INPP5A: variants seen among roughly 807,000 people sequenced by gnomAD.
INPP5A encodes the protein inositol polyphosphate-5-phosphatase A, also known as 43 kDa inositol polyphosphate 5-phophatase.
In INPP5A, 14 loss-of-function variants were observed where a neutral mutation model predicts 65.2. That is an observed-to-expected ratio of 0.21 (90% CI 0.14 to 0.34). The LOEUF is 0.34. INPP5A is among the 10% of genes least tolerant of loss of function. INPP5A has a pLI of 1.00. For missense variants in INPP5A, 431 were observed against 545.6 expected (o/e 0.79, Z 2.09); for synonymous variants, 207 against 208.3 (o/e 0.99, Z 0.05).
At chr10:132,611,607 A>G (rs1419377440) in intron 2 of INPP5A, among the ~76,000 whole-genome samples, 2,145 of 9,634 alleles carry the variant, frequency 0.22, no homozygotes, top group Admixed American at 0.24. Flanking sequence ...GAGGTGAGGT[A>G]GGCAGGGGAG....
At position 132,730,482 on chromosome 10, in the gene INPP5A, C is replaced by T. The variant is rs558854608; in HGVS notation, c.732+3577C>T. On this transcript the variant is annotated intron_variant, in intron 9 of 15. Coordinates refer to ENST00000368594, the MANE Select transcript of INPP5A (RefSeq NM_005539.5). ...ACGCCCTGTCTGCAGGCTCCTCGGC[C>T]GCTCTGCAGCCCCACCCACTCAGCT... Among the ~76,000 whole-genome samples, 6 of 152,368 alleles carry T rather than the reference C, an allele frequency of 3.9e-5. No individual in the cohort carries two copies. The East Asian group carries it at 7.7e-4, about 20-fold the overall frequency.
Position 132,731,664 on chromosome 10 carries a change from G to A in INPP5A, c.732+4759G>A, listed in dbSNP as rs188277041. On this transcript the variant is annotated intron_variant, in intron 9 of 15. Transcript: ENST00000368594. ...TGAGCCTCCGTTGCATCTGCTGGGA[G>A]TGGGGGCTCTCCAGCCCCGCGATCA... Among the ~76,000 whole-genome samples the A allele has an allele frequency of 2.5e-3, 383 of 152,352 alleles. 2 individuals are homozygous for A. Among genetic ancestry groups the A allele is most frequent in the African/African-American group, 8.5e-3 (353 of 41,590 alleles).
rs2071429578 is a variant in INPP5A at position 132,577,926 on chromosome 10, A to C, written c.76-29989A>C. On this transcript the variant is annotated intron_variant, in intron 1 of 15. Transcript: ENST00000368594. ...TGTCCTCGAGGGGTTCAGCTGTGCC[A>C]TTTGGGGGTGCTCCATGAAGCTGGC... Among the ~76,000 whole-genome samples the C allele has an allele frequency of 3.3e-5, 5 of 152,156 alleles. No homozygotes were observed. In the South Asian group the frequency reaches 1.0e-3, roughly 31 times the overall value.
At chr10:132,564,245 G>C (rs1216087267) in intron 1 of INPP5A, among the ~76,000 whole-genome samples, 1 of 152,108 alleles carries the variant, frequency 6.6e-6, no homozygotes, top group Non-Finnish European at 1.5e-5. Flanking sequence ...TTGGTCCCTG[G>C]GGTGACACAT....
chr10:132,725,522 A>G (rs1221246579), intron 8 of INPP5A, among the ~76,000 whole-genome samples: 1 of 152,190 alleles, frequency 6.6e-6, no homozygotes, highest in Non-Finnish European at 1.5e-5. Context: ...CTACTTCTCA[A>G]GCGAATGGAT....
intron 12 of INPP5A, among the ~76,000 whole-genome samples, chr10:132,770,600 T>C (rs1399076825): frequency 1.3e-5 from 2 of 152,264 alleles, no homozygotes; most frequent in Admixed American, 6.5e-5. Flanking sequence ...GCCACTTCCC[T>C]CTTCCAGCTA....
chr10:132,638,833 G>T (rs553095440), intron 2 of INPP5A, among the ~76,000 whole-genome samples: 1 of 152,170 alleles, frequency 6.6e-6, no homozygotes, highest in Non-Finnish European at 1.5e-5. Flanking sequence ...CTCCCAAATT[G>T]CTGGGATTAG....
At chr10:132,775,335 C>T (rs1019160577) in intron 12 of INPP5A, among the ~76,000 whole-genome samples, 5 of 151,992 alleles carry the variant, frequency 3.3e-5, no homozygotes, top group African/African-American at 1.2e-4. Context: ...TGTGCCTCCC[C>T]CCCCACCCAG....
chr10:132,705,781 G>T lies in INPP5A; in HGVS notation c.475-2532G>T, dbSNP rs1476918698. Among the ~76,000 whole-genome samples the T allele has an allele frequency of 6.6e-6, 1 of 152,168 alleles. No homozygotes were observed. Among genetic ancestry groups the T allele is most frequent in the East Asian group, 1.9e-4 (1 of 5,184 alleles). ...CTGTGGGTGCCTCAGTATCACTGGGGAGCAGAGAGCCCAGACCTTTTACAA... is the reference window on the plus strand; with the variant it reads ...CTGTGGGTGCCTCAGTATCACTGGGTAGCAGAGAGCCCAGACCTTTTACAA... On this transcript the variant is annotated intron_variant, in intron 6 of 15. Transcript: ENST00000368594. The surrounding 1 kb of genome is among the most constrained non-coding windows in gnomAD (Gnocchi z 4.9).
At chr10:132,681,426 C>T (rs986775532) in intron 4 of INPP5A, among the ~76,000 whole-genome samples, 2 of 152,180 alleles carry the variant, frequency 1.3e-5, no homozygotes, top group African/African-American at 2.4e-5. Flanking sequence ...CCTGAGCCAG[C>T]GAGACCACGA....
chr10:132,622,996 G>C (rs2072127755), intron 2 of INPP5A, among the ~76,000 whole-genome samples: 1 of 151,870 alleles, frequency 6.6e-6, no homozygotes, highest in South Asian at 2.1e-4. Flanking sequence ...TGACGTGTTA[G>C]AACTTGAGAA....
chr10:132,688,994 TGA>T (rs1845206543), intron 4 of INPP5A, among the ~76,000 whole-genome samples: 2 of 151,760 alleles, frequency 1.3e-5, no homozygotes, highest in South Asian at 4.1e-4. Context: ...CAAGTGTGTG[TGA>T]GTGCCTGTGA....
At position 132,702,883 on chromosome 10, in the gene INPP5A, G is replaced by A. The variant is rs570159926; in HGVS notation, c.474+4964G>A. 5.9e-5 allele frequency among the ~76,000 whole-genome samples: 9 copies of A among 152,306 alleles called. No homozygotes were observed. The East Asian group carries it at 1.4e-3, about 23-fold the overall frequency. The stretch of plus-strand genomic sequence containing the variant: ...GCTGTGGGATGCTTGGGGTGGGCCG[G>A]GGCACTTGTTTACACAGGGGTGACT... On this transcript the variant is annotated intron_variant, in intron 6 of 15. Coordinates refer to ENST00000368594, the MANE Select transcript of INPP5A (RefSeq NM_005539.5).
chr10:132,710,886 G>T (rs1219921569), intron 8 of INPP5A, among the ~76,000 whole-genome samples: 1 of 152,096 alleles, frequency 6.6e-6, no homozygotes, highest in African/African-American at 2.4e-5. Flanking sequence ...GGGCAGGTCG[G>T]TGTGTCCACT....
intron 1 of INPP5A, among the ~76,000 whole-genome samples, chr10:132,548,869 T>C (rs965265055): frequency 3.0e-5 from 4 of 134,804 alleles, no homozygotes; most frequent in Non-Finnish European, 6.2e-5. Flanking sequence ...CAGTCACCAC[T>C]CACCGAAGCC....
intron 8 of INPP5A, among the ~76,000 whole-genome samples, chr10:132,722,331 G>C (rs1564983747): frequency 6.6e-6 from 1 of 152,170 alleles, no homozygotes; most frequent in Non-Finnish European, 1.5e-5. Context: ...AGCAAGTTAG[G>C]TGTCCTGGTT....
chr10:132,732,816 CACG>C (rs1846109331), intron 9 of INPP5A, among the ~76,000 whole-genome samples: 1 of 152,154 alleles, frequency 6.6e-6, no homozygotes, highest in African/African-American at 2.4e-5. Flanking sequence ...TCCGGAGGGT[CACG>C]GCCTGTCTTC....
At chr10:132,760,599 C>G (rs1485854448) in intron 11 of INPP5A, among the ~76,000 whole-genome samples, 1 of 152,262 alleles carries the variant, frequency 6.6e-6, no homozygotes, top group Non-Finnish European at 1.5e-5. Context: ...CACAGCAGAG[C>G]TGTCATTCTG....
At chr10:132,724,802 C>T (rs571251934) in intron 8 of INPP5A, among the ~76,000 whole-genome samples, 4 of 145,528 alleles carry the variant, frequency 2.7e-5, no homozygotes, top group South Asian at 2.2e-4. Flanking sequence ...CCAGAACTCA[C>T]GGGGGGCCCC....
Sources: gnomAD v4.1 joint callset for allele counts (sites outside exome capture counted in the v4.1 genomes callset) on GRCh38, gnomAD v4.1.1 for gene constraint, Gnocchi (gnomAD v3.1) non-coding constraint, MANE v1.5 for transcripts, NCBI Gene and HGNC (gene_info 2026-07-23, HGNC 2026-07-21) for gene names.